The following SH2B1 variants were observed in gnomAD, a reference collection of about 807,000 sequenced individuals.
SH2B1 encodes SH2B adaptor protein 1.
A neutral mutation model predicts 62.6 loss-of-function variants in SH2B1; 15 were observed. That is an observed-to-expected ratio of 0.24 (90% CI 0.16 to 0.37). The LOEUF (loss-of-function observed/expected upper bound fraction) is 0.37, where lower values mean the gene tolerates loss of function less well. SH2B1 is among the 10% of genes least tolerant of loss of function. The pLI, the probability that SH2B1 is intolerant of heterozygous loss-of-function variation, is 1.00. For missense variants in SH2B1, 925 were observed against 1,015.6 expected (o/e 0.91, Z 1.21); for synonymous variants, 443 against 438.0 (o/e 1.01, Z -0.14).
chr16:28,865,467 A>G lies in SH2B1; in HGVS notation c.-628A>G. ...CCCAGCTCCTCTCTAGCCCCCTGCGAGCTGGGGCGGTGAGGTGCTATGGCT... is the reference window on the plus strand; with the variant it reads ...CCCAGCTCCTCTCTAGCCCCCTGCGGGCTGGGGCGGTGAGGTGCTATGGCT... On this transcript the variant is annotated 5_prime_UTR_variant, in exon 1 of 8. Coordinates refer to ENST00000684370, the MANE Select transcript of SH2B1 (RefSeq NM_001387430.1). 1.0e-6 allele frequency: 1 copy of G among 985,578 alleles called. No individual in the cohort carries two copies. Among genetic ancestry groups the G allele is most frequent in the African/African-American group, 1.7e-5 (1 of 57,358 alleles). 61.1% of individuals were successfully genotyped at this position (985,578 alleles called of 1,614,324 possible).
chr16:28,873,926 C>T lies in SH2B1; in HGVS notation c.*106C>T. The T allele has an allele frequency of 8.5e-7, 1 of 1,177,474 alleles. No individual in the cohort carries two copies. Among genetic ancestry groups the T allele is most frequent in the Non-Finnish European group, 1.1e-6 (1 of 910,884 alleles). 72.9% of individuals were successfully genotyped at this position (1,177,474 alleles called of 1,614,324 possible). On this transcript the variant is annotated 3_prime_UTR_variant, in exon 8 of 8. Coordinates refer to ENST00000684370, the MANE Select transcript of SH2B1 (RefSeq NM_001387430.1). This position sits in a 1 kb window ranked among gnomAD's most constrained non-coding sequence, Gnocchi z 4.2. ...AAATCCCTCCCCCATGCTTCCTGAC[C>T]CTTGTTGGCCAAGGGCATCTTTGAT...
intron 1 of SH2B1, among the ~76,000 whole-genome samples, chr16:28,849,222 A>G (rs1286359181): frequency 6.6e-6 from 1 of 152,044 alleles, no homozygotes; most frequent in East Asian, 1.9e-4. Context: ...CAGCCTCCCA[A>G]ATAGCTGGGA....
upstream of SH2B1, among the ~76,000 whole-genome samples, chr16:28,859,722 G>A (rs970954260): frequency 2.0e-5 from 3 of 150,914 alleles, no homozygotes; most frequent in East Asian, 1.9e-4. Context: ...AAAAAAAAAA[G>A]AGAGAGAGAA....
chr16:28,865,347 T>C lies in SH2B1; in HGVS notation c.-748T>C, dbSNP rs773564869. On this transcript the variant is annotated 5_prime_UTR_variant, in exon 1 of 8. Coordinates refer to ENST00000684370, the MANE Select transcript of SH2B1 (RefSeq NM_001387430.1). Reference sequence around the variant, plus strand: ...GTCAGCTTTCAAGACAATTACTGTTTTGGTCCATCATGCATCCATCCTCAT... The same window carrying C: ...GTCAGCTTTCAAGACAATTACTGTTCTGGTCCATCATGCATCCATCCTCAT... The C allele has an allele frequency of 1.0e-4, 101 of 985,582 alleles. No homozygotes were observed. Among genetic ancestry groups the C allele is most frequent in the Non-Finnish European group, 1.2e-4 (97 of 830,018 alleles). 61.1% of individuals were successfully genotyped at this position (985,582 alleles called of 1,614,324 possible).
chr16:28,853,128 G>A (rs56226746), intron 1 of SH2B1, among the ~76,000 whole-genome samples: 37,898 of 112,448 alleles, frequency 0.34, 7,289 homozygotes, highest in Admixed American at 0.4. Context: ...ATATATTTAT[G>A]TATACATTTA....
chr16:28,870,562 G>A (rs1962970170), intron 4 of SH2B1, among the ~76,000 whole-genome samples: 1 of 152,168 alleles, frequency 6.6e-6, no homozygotes, highest in Non-Finnish European at 1.5e-5. Flanking sequence ...TGGGTTGGGG[G>A]AGTAATAGAA....
chr16:28,850,278 C>T (rs1296185039), intron 1 of SH2B1, among the ~76,000 whole-genome samples: 1 of 152,144 alleles, frequency 6.6e-6, no homozygotes, highest in Non-Finnish European at 1.5e-5. Flanking sequence ...ATGCTACATG[C>T]CAGGATATCA....
chr16:28,866,111 C>G lies in SH2B1; in HGVS notation c.17C>G (p.Ser6Cys). Residue 6 changes from serine (S) to cysteine (C), a missense_variant, in exon 1 of 8, where the codon TCC becomes TGC. Physicochemically the swap from Ser to Cys is moderately radical, Grantham distance 112. This residue lies in a region of SH2B1 where 683 missense variants were observed against 704.0 expected (regional missense o/e 0.97). Transcript: ENST00000684370. This position sits in a 1 kb window ranked among gnomAD's most constrained non-coding sequence, Gnocchi z 6.3. MNGAP[S>C]PEDGASPSSP... ...GGGCCCATCATGAATGGTGCCCCTTCCCCAGAGGACGGGGCCTCCCCCTCG... is the reference window on the plus strand; with the variant it reads ...GGGCCCATCATGAATGGTGCCCCTTGCCCAGAGGACGGGGCCTCCCCCTCG... 2 of 1,578,292 alleles carry G rather than the reference C, an allele frequency of 1.3e-6. No homozygotes were observed. The highest frequency in any genetic ancestry group is 1.3e-5 in the African/African-American group (1 of 74,292).
In SH2B1 at chr16:28,872,699, C is replaced by T; in HGVS notation, c.1891C>T (p.Gln631Ter). The T allele has an allele frequency of 4.3e-6, 7 of 1,614,176 alleles. No individual in the cohort carries two copies. Among genetic ancestry groups the T allele is most frequent in the Non-Finnish European group, 5.9e-6 (7 of 1,180,024 alleles). Residue 631 changes from glutamine (Q) to a stop codon, truncating the protein, a stop_gained, in exon 7 of 8, where the codon CAG becomes TAG. Coordinates refer to ENST00000684370, the MANE Select transcript of SH2B1 (RefSeq NM_001387430.1). LOFTEE classifies it high-confidence loss of function. The surrounding 1 kb of genome is among the most constrained non-coding windows in gnomAD (Gnocchi z 5.3). ...CAGCTATGTCCCATCCTCCCAGCGACAGCAGGGTGAGCAGAGCAGGTCTGC... is the reference window on the plus strand; with the variant it reads ...CAGCTATGTCCCATCCTCCCAGCGATAGCAGGGTGAGCAGAGCAGGTCTGC... ...LVSYVPSSQR[Q>*]QEPTTSHDPP...
chr16:28,852,338 ATT>A (rs1280033530), intron 1 of SH2B1, among the ~76,000 whole-genome samples: 8 of 74,334 alleles, frequency 1.1e-4, no homozygotes, highest in African/African-American at 4.7e-4. Context: ...TTACATATAT[ATT>A]TACATATATA....
At position 28,873,853 on chromosome 16, in the gene SH2B1, C is replaced by T; in HGVS notation, c.*33C>T. On this transcript the variant is annotated 3_prime_UTR_variant, in exon 8 of 8. Coordinates refer to ENST00000684370, the MANE Select transcript of SH2B1 (RefSeq NM_001387430.1). The surrounding 1 kb of genome is among the most constrained non-coding windows in gnomAD (Gnocchi z 4.2). Reference sequence around the variant, plus strand: ...CCACCCGCTCCACCCTTTTTAAACCCCCCAGCCCTGCTCGTGAGATTGGGC... The same window carrying T: ...CCACCCGCTCCACCCTTTTTAAACCTCCCAGCCCTGCTCGTGAGATTGGGC... 1.4e-6 allele frequency: 2 copies of T among 1,403,318 alleles called. No individual in the cohort carries two copies. The highest frequency in any genetic ancestry group is 1.6e-5 in the South Asian group (1 of 61,526). The allele number at this position is 1,403,318 out of a possible 1,614,324, so 86.9% of individuals were successfully genotyped here.
Position 28,872,199 on chromosome 16 carries a change from T to C in SH2B1, c.1523T>C (p.Leu508Pro). Residue 508 changes from leucine to proline, a missense_variant, in exon 6 of 8, where the codon CTG (leucine) becomes CCG (proline). Physicochemically the swap from Leu to Pro is moderately conservative, Grantham distance 98. Transcript: ENST00000684370. This position sits in a 1 kb window ranked among gnomAD's most constrained non-coding sequence, Gnocchi z 5.3. ...DTPETATGSF[L>P]FQGEPEGGEG... ...TCTCTCCTTCCTGAAGGGTCCTTCC[T>C]GTTCCAGGGGGAGCCAGAGGGCGGT... 3.7e-6 allele frequency: 6 copies of C among 1,613,056 alleles called. No individual in the cohort carries two copies. In the East Asian group the frequency reaches 1.3e-4, roughly 36 times the overall value.
At chr16:28,852,746 TTAC>T (rs1567459111) in intron 1 of SH2B1, among the ~76,000 whole-genome samples, 2 of 53,442 alleles carry the variant, frequency 3.7e-5, no homozygotes, top group African/African-American at 1.4e-4. Flanking sequence ...ATATATATAT[TTAC>T]ATATATATGT....
chr16:28,865,964 G>A lies in SH2B1; in HGVS notation c.-131G>A. The stretch of plus-strand genomic sequence containing the variant: ...CTGGGGGTGGGATGCAGCCTCCGGT[G>A]CGCCCTCAGCAGTGACCCTCGTGTG... On this transcript the variant is annotated 5_prime_UTR_variant, in exon 1 of 8. Coordinates refer to ENST00000684370, the MANE Select transcript of SH2B1 (RefSeq NM_001387430.1). 2 of 1,461,524 alleles carry A rather than the reference G, an allele frequency of 1.4e-6. No individual in the cohort carries two copies. The highest frequency in any genetic ancestry group is 1.5e-5 in the South Asian group (1 of 68,694). The allele number at this position is 1,461,524 out of a possible 1,614,324, so 90.5% of individuals were successfully genotyped here.
At chr16:28,846,683 G>A (rs891765417), upstream of SH2B1, 6 of 185,598 alleles carry the variant, frequency 3.2e-5, no homozygotes, top group Admixed American at 2.2e-4. Flanking sequence ...CCGGAGGGAG[G>A]GGCTCGGGCT....
chr16:28,854,519 G>C (rs1486031178), intron 1 of SH2B1, among the ~76,000 whole-genome samples: 1 of 152,032 alleles, frequency 6.6e-6, no homozygotes, highest in Admixed American at 6.6e-5. Context: ...ACTTTAGGAG[G>C]CCGAGGAGGG....
chr16:28,852,873 T>C (rs1340119170), intron 1 of SH2B1, among the ~76,000 whole-genome samples: 2 of 83,774 alleles, frequency 2.4e-5, no homozygotes, highest in Non-Finnish European at 4.3e-5. Context: ...TTTACATATA[T>C]ATTTTTATAT....
At chr16:28,868,125 C>G (rs986732107) in intron 2 of SH2B1, among the ~76,000 whole-genome samples, 3 of 143,796 alleles carry the variant, frequency 2.1e-5, no homozygotes, top group Admixed American at 6.9e-5. Context: ...TGTGCCTGGC[C>G]TTATTTTATT....
Position 28,872,167 on chromosome 16 carries a change from C to T in SH2B1, c.1514-23C>T. The T allele has an allele frequency of 6.2e-7, 1 of 1,602,156 alleles. No homozygotes were observed. Among genetic ancestry groups the T allele is most frequent in the Non-Finnish European group, 8.5e-7 (1 of 1,172,542 alleles). ...GGAGGCTGCCCTGACACCCCGGTTT[C>T]CCTCCCTCTCTCCTTCCTGAAGGGT... On this transcript the variant is annotated intron_variant, in intron 5 of 7. Transcript: ENST00000684370. This position sits in a 1 kb window ranked among gnomAD's most constrained non-coding sequence, Gnocchi z 5.3.
Sources: allele counts gnomAD v4.1 joint callset (sites outside exome capture counted in the v4.1 genomes callset), GRCh38; gene constraint gnomAD v4.1.1; regional missense constraint gnomAD v4.1.1; non-coding constraint Gnocchi (gnomAD v3.1); transcripts MANE v1.5; gene names NCBI Gene and HGNC (gene_info 2026-07-23, HGNC 2026-07-21).